Variants in ENTPD3 observed in about 807,000 individuals in gnomAD.
ENTPD3 encodes the protein ectonucleoside triphosphate diphosphohydrolase 3.
ENTPD3 carries 60 observed loss-of-function variants against 51.2 expected under a neutral mutation model. That is an observed-to-expected ratio of 1.17 (90% CI 0.95 to 1.45). The LOEUF (loss-of-function observed/expected upper bound fraction) is 1.45, where lower values mean the gene tolerates loss of function less well. Ranked by LOEUF, ENTPD3 falls within the 40% of genes most tolerant of loss-of-function variation. The pLI, the probability that ENTPD3 is intolerant of heterozygous loss-of-function variation, is 0.00. For synonymous variants in ENTPD3, 221 were observed against 238.4 expected, an observed-to-expected ratio of 0.93 and a Z score of 0.67; for missense variants, 593 against 641.1, an observed-to-expected ratio of 0.93 and a Z score of 0.81.
At chr3:40,411,150 G>C (rs1429401655) in intron 4 of ENTPD3, among the ~76,000 whole-genome samples, 4 of 151,804 alleles carry the variant, frequency 2.6e-5, no homozygotes, top group Admixed American at 2.6e-4. Context: ...AATTAGCCAG[G>C]CGTGGTGGTG....
chr3:40,392,261 T>G, intron 3 of ENTPD3, 111 bp downstream of exon 3: 5 of 1,327,116 alleles, frequency 3.8e-6, no homozygotes, highest in Non-Finnish European at 4.1e-6. Flanking sequence ...CCCCCATCTC[T>G]GGCTGAAGCC....
chr3:40,425,344 A>T (rs1199389198), intron 10 of ENTPD3, among the ~76,000 whole-genome samples: 3 of 152,070 alleles, frequency 2.0e-5, no homozygotes, highest in Non-Finnish European at 4.4e-5. Flanking sequence ...TGCACCTGGG[A>T]GGTGAAGGTT....
At chr3:40,414,872 T>C in intron 6 of ENTPD3, 32 bp downstream of exon 6, 1 of 1,610,810 alleles carries the variant, frequency 6.2e-7, no homozygotes, top group Non-Finnish European at 8.5e-7. Context: ...GTTTTTAATC[T>C]TACTGTTTAT....
chr3:40,407,988 TA>T (rs1324947653), intron 4 of ENTPD3, among the ~76,000 whole-genome samples: 1 of 152,114 alleles, frequency 6.6e-6, no homozygotes, highest in Admixed American at 6.6e-5. Flanking sequence ...TCCCAGTTTA[TA>T]AAAAACACAG....
chr3:40,399,975 C>A (rs1955305456), intron 3 of ENTPD3, among the ~76,000 whole-genome samples: 1 of 152,050 alleles, frequency 6.6e-6, no homozygotes, highest in African/African-American at 2.4e-5. Context: ...CAGGTATTAA[C>A]ATGCCTCAGC....
At chr3:40,388,709 C>G (rs1350410390) in intron 2 of ENTPD3, among the ~76,000 whole-genome samples, 2 of 152,136 alleles carry the variant, frequency 1.3e-5, no homozygotes, top group Non-Finnish European at 2.9e-5. Flanking sequence ...TCTCCAAGCT[C>G]AGGTAGGTAC....
At chr3:40,418,877 CATA>C (rs549320906) in intron 7 of ENTPD3, among the ~76,000 whole-genome samples, 51 of 151,936 alleles carry the variant, frequency 3.4e-4, no homozygotes, top group Admixed American at 3.3e-3. Context: ...TTTATGAGAG[CATA>C]ATATTCCAAG....
rs759201036 is a variant in ENTPD3 at position 40,415,891 on chromosome 3, G to T, written c.649G>T (p.Ala217Ser). 1 of 1,614,154 alleles carries T rather than the reference G, an allele frequency of 6.2e-7. No homozygotes were observed. The highest frequency in any genetic ancestry group is 1.7e-5 in the Admixed American group (1 of 60,032). ...CCCGCATGGAGTGGAAACCACGGGT[G>T]CCCTGGACTTAGGTGGTGCCTCCAC... is the stretch of plus-strand genomic sequence containing the variant. ...VHPHGVETTG[A>S]LDLGGASTQI... The change falls in exon 7 of 11, where the codon GCC becomes TCC. Residue 217 changes from alanine to serine, a missense_variant. Transcript: ENST00000301825.
intron 4 of ENTPD3, among the ~76,000 whole-genome samples, chr3:40,408,262 T>G (rs1955549171): frequency 6.6e-6 from 1 of 152,178 alleles, no homozygotes. Context: ...ATTAAGAACT[T>G]TTTTAGGAGT....
chr3:40,387,832 A>G (rs774228675), intron 1 of ENTPD3, among the ~76,000 whole-genome samples: 7 of 152,168 alleles, frequency 4.6e-5, no homozygotes, highest in Non-Finnish European at 7.4e-5. Context: ...CAGCAAATCC[A>G]TTTTTCATTT....
chr3:40,400,853 A>G (rs1024088992), intron 3 of ENTPD3, 41 bp from the exon 4 acceptor site: 17 of 1,500,086 alleles, frequency 1.1e-5, no homozygotes, highest in Non-Finnish European at 1.5e-5. Flanking sequence ...TCCTCAGAGG[A>G]GTCCCGCCCA....
chr3:40,409,025 A>G (rs1427998321), intron 4 of ENTPD3, among the ~76,000 whole-genome samples: 5 of 151,880 alleles, frequency 3.3e-5, no homozygotes, highest in Non-Finnish European at 7.4e-5. Context: ...TGGGAGGCCA[A>G]GTGGATCAGC....
intron 7 of ENTPD3, among the ~76,000 whole-genome samples, chr3:40,420,985 C>T (rs935570402): frequency 1.3e-5 from 2 of 151,386 alleles, no homozygotes; most frequent in African/African-American, 4.9e-5. Context: ...GGAGACCCCA[C>T]CTCTACAAAA....
rs1248712919 is a variant in ENTPD3, at chr3:40,423,460, CT to C, written c.1215+60del. The C allele has an allele frequency of 1.2e-5, 14 of 1,192,354 alleles. No individual in the cohort carries two copies. In the Admixed American group the frequency reaches 2.4e-4, roughly 20 times the overall value. The allele number at this position is 1,192,354 out of a possible 1,614,324, so 73.9% of individuals were successfully genotyped here. On this transcript the variant is annotated intron_variant, in intron 9 of 10. Coordinates refer to ENST00000301825, the MANE Select transcript of ENTPD3 (RefSeq NM_001248.4). ...ACAAAAAAATATGGTAGAATCTATT[CT>C]ATGTGTGTGTATTCTGAATTTAGCC... is the stretch of plus-strand genomic sequence containing the variant.
intron 3 of ENTPD3, among the ~76,000 whole-genome samples, chr3:40,397,672 G>A (rs1024132520): frequency 6.6e-6 from 1 of 152,162 alleles, no homozygotes; most frequent in Non-Finnish European, 1.5e-5. Flanking sequence ...TTATGCTTCT[G>A]CTTTCGCTAT....
intron 10 of ENTPD3, among the ~76,000 whole-genome samples, chr3:40,425,722 C>T (rs961100993): frequency 6.6e-6 from 1 of 151,802 alleles, no homozygotes; most frequent in African/African-American, 2.4e-5. Flanking sequence ...CATGGCAAAA[C>T]CATGTCTCTA....
At chr3:40,405,094 C>T (rs1403996150) in intron 4 of ENTPD3, among the ~76,000 whole-genome samples, 2 of 152,186 alleles carry the variant, frequency 1.3e-5, no homozygotes, top group African/African-American at 4.8e-5. Flanking sequence ...TAATGTCTTT[C>T]CTTTAAACCA....
At chr3:40,412,080 C>A in intron 5 of ENTPD3, 118 bp downstream of exon 5, 2 of 1,007,674 alleles carry the variant, frequency 2.0e-6, no homozygotes, top group Admixed American at 4.1e-5. Context: ...AAAAGAAGCC[C>A]ACATTCTGCC....
chr3:40,414,770 T>C lies in ENTPD3; in HGVS notation c.527T>C (p.Ile176Thr), dbSNP rs1402138501. 6.2e-7 allele frequency: 1 copy of C among 1,613,916 alleles called. No homozygotes were observed. The highest frequency in any genetic ancestry group is 1.3e-5 in the African/African-American group (1 of 74,882). ...CCCTTTGACTTTAGGGGTGCTCAAA[T>C]CATTTCTGGGCAAGAAGAAGGGGTA... ...SQPFDFRGAQ[I>T]ISGQEEGVYG... is the part of the protein sequence containing the mutation. The change falls in exon 6 of 11, where the codon ATC becomes ACC. Residue 176 changes from isoleucine to threonine, a missense_variant. Transcript: ENST00000301825.
Sources: gnomAD v4.1 joint callset for allele counts (sites outside exome capture counted in the v4.1 genomes callset) on GRCh38, gnomAD v4.1.1 for gene constraint, MANE v1.5 for transcripts, NCBI Gene and HGNC (gene_info 2026-07-23, HGNC 2026-07-21) for gene names.